CALN1: variants seen among roughly 807,000 people sequenced by gnomAD.
CALN1 encodes the protein calcium-binding protein 8.
In CALN1, 17 loss-of-function variants were observed where a neutral mutation model predicts 30.6. That is an observed-to-expected ratio of 0.56 (90% CI 0.38 to 0.83). CALN1 has a LOEUF of 0.83. CALN1 is among the 40% of genes least tolerant of loss of function. The pLI is 0.00. For synonymous variants in CALN1, 156 were observed against 131.4 expected, an observed-to-expected ratio of 1.19 and a Z score of -1.28; for missense variants, 291 against 354.9, an observed-to-expected ratio of 0.82 and a Z score of 1.45.
At chr7:71,791,149 G>C (rs1461934842) in intron 6 of CALN1, among the ~76,000 whole-genome samples, 1 of 152,178 alleles carries the variant, frequency 6.6e-6, no homozygotes, top group Admixed American at 6.5e-5. Context: ...CCAAGGGCTT[G>C]TCAAAGGATC....
At chr7:72,031,238 C>T (rs1801418090) in intron 4 of CALN1, among the ~76,000 whole-genome samples, 1 of 152,118 alleles carries the variant, frequency 6.6e-6, no homozygotes, top group African/African-American at 2.4e-5. Context: ...GCTATGGCGA[C>T]CAGGTACACA....
At chr7:72,444,905 T>G (rs988646185) in intron 1 of CALN1, among the ~76,000 whole-genome samples, 4 of 152,112 alleles carry the variant, frequency 2.6e-5, no homozygotes, top group Non-Finnish European at 5.9e-5. Flanking sequence ...CCAAAGGCCA[T>G]GCCTTTCCCA....
intron 5 of CALN1, among the ~76,000 whole-genome samples, chr7:71,903,858 CA>C (rs1390397573): frequency 2.6e-5 from 4 of 151,814 alleles, no homozygotes; most frequent in Non-Finnish European, 5.9e-5. Context: ...TGGAAGAAAA[CA>C]AAAAACTGGA....
At chr7:71,820,976 A>G (rs1788553110) in intron 5 of CALN1, among the ~76,000 whole-genome samples, 1 of 152,046 alleles carries the variant, frequency 6.6e-6, no homozygotes, top group Non-Finnish European at 1.5e-5. Context: ...ATCCAGGGAG[A>G]CACCTGGGTT....
At chr7:72,276,934 C>T (rs1464792919) in intron 3 of CALN1, among the ~76,000 whole-genome samples, 1 of 152,236 alleles carries the variant, frequency 6.6e-6, no homozygotes, top group Non-Finnish European at 1.5e-5. Context: ...CATATGAGGA[C>T]ACAGCAAGAA....
chr7:72,161,624 G>A (rs1788116491), intron 3 of CALN1, among the ~76,000 whole-genome samples: 1 of 152,154 alleles, frequency 6.6e-6, no homozygotes, highest in Non-Finnish European at 1.5e-5. Context: ...GAAGGAGGTA[G>A]AATGCTGGGC....
chr7:72,410,468 C>T (rs529067179), intron 1 of CALN1, among the ~76,000 whole-genome samples: 2 of 152,206 alleles, frequency 1.3e-5, no homozygotes, highest in African/African-American at 4.8e-5. Context: ...TTCTCCCTAT[C>T]TCTGCCCAAA....
At chr7:72,352,779 G>A (rs1241587865) in intron 2 of CALN1, among the ~76,000 whole-genome samples, 3 of 151,584 alleles carry the variant, frequency 2.0e-5, no homozygotes, top group African/African-American at 7.3e-5. Flanking sequence ...ATAGAAGAAA[G>A]GAAAAAGGAT....
At chr7:71,899,432 C>T (rs1181709040) in intron 5 of CALN1, among the ~76,000 whole-genome samples, 1 of 152,116 alleles carries the variant, frequency 6.6e-6, no homozygotes, top group Non-Finnish European at 1.5e-5. Context: ...CGTGAGCCAC[C>T]ACGCCCGGCT....
In CALN1 at chr7:71,842,004, G is replaced by GA. The variant is rs796613388; in HGVS notation, c.502-31513dup. Among the ~76,000 whole-genome samples, 159 of 133,852 alleles carry GA rather than the reference G, an allele frequency of 1.2e-3. 1 individual carries two copies. Among genetic ancestry groups the GA allele is most frequent in the East Asian group, 3.9e-3 (18 of 4,626 alleles). 87.8% of individuals were successfully genotyped at this position (133,852 alleles called of 152,430 possible). The stretch of plus-strand genomic sequence containing the variant: ...ACATGTACCTCCTGAATCTAAAAAA[G>GA]AAAAAAAAAAAAGACAAAAAACAAA... On this transcript the variant is annotated intron_variant, in intron 5 of 6. Transcript: ENST00000395275.
At chr7:72,266,347 T>C (rs1057327065) in intron 3 of CALN1, among the ~76,000 whole-genome samples, 4 of 152,178 alleles carry the variant, frequency 2.6e-5, no homozygotes, top group African/African-American at 9.7e-5. Context: ...ACTTGTATAT[T>C]AGATAATTTG....
At chr7:72,035,556 T>C (rs964954597) in intron 4 of CALN1, among the ~76,000 whole-genome samples, 31 of 152,232 alleles carry the variant, frequency 2.0e-4, no homozygotes, top group African/African-American at 2.4e-4. Context: ...CTTTTGTGTG[T>C]AGTTGATCTT....
At chr7:72,115,484 CTTTTTTTTT>C (rs71069026) in intron 3 of CALN1, among the ~76,000 whole-genome samples, 20 of 80,588 alleles carry the variant, frequency 2.5e-4, no homozygotes, top group Non-Finnish European at 3.6e-4. Flanking sequence ...CATATACATT[CTTTTTTTTT>C]TTTTTTTTTT....
At chr7:72,352,228 A>C (rs1376323643) in intron 2 of CALN1, among the ~76,000 whole-genome samples, 1 of 151,938 alleles carries the variant, frequency 6.6e-6, no homozygotes, top group African/African-American at 2.4e-5. Context: ...AACTCTACTA[A>C]AAGTACCAAA....
upstream of CALN1, among the ~76,000 whole-genome samples, chr7:72,449,858 G>T (rs1334092845): frequency 9.1e-6 from 1 of 109,724 alleles, no homozygotes; most frequent in Non-Finnish European, 1.7e-5. Flanking sequence ...CTGGGCAACA[G>T]AGCAAGACTC....
rs869149598 is a variant in CALN1, at chr7:72,203,979, C to CTTTTTTTTTTT, written c.244+74696_244+74706dup. ...TAGCCTTCATATAAGAGGCCTCTCTCTTTTTTTTTTTTTTTTTTTTTTTTT... is the reference window on the plus strand; with the variant it reads ...TAGCCTTCATATAAGAGGCCTCTCTCTTTTTTTTTTTTTTTTTTTTTTTTTTTTTTTTTTTT... On this transcript the variant is annotated intron_variant, in intron 3 of 6. Coordinates refer to ENST00000395275, the MANE Select transcript of CALN1 (RefSeq NM_031468.4). 8.6e-4 allele frequency among the ~76,000 whole-genome samples: 72 copies of CTTTTTTTTTTT among 83,806 alleles called. 13 individuals are homozygous for CTTTTTTTTTTT. The highest frequency in any genetic ancestry group is 3.5e-3 in the African/African-American group (66 of 19,130). 55.0% of individuals were successfully genotyped at this position (83,806 alleles called of 152,430 possible).
At chr7:72,380,441 A>G (rs565939804) in intron 2 of CALN1, among the ~76,000 whole-genome samples, 1 of 152,168 alleles carries the variant, frequency 6.6e-6, no homozygotes, top group East Asian at 1.9e-4. Context: ...TGGACAACAT[A>G]GCAAGACCCC....
chr7:72,100,201 C>T (rs992309133), intron 4 of CALN1, among the ~76,000 whole-genome samples: 4 of 151,684 alleles, frequency 2.6e-5, no homozygotes, highest in African/African-American at 9.7e-5. Flanking sequence ...CTCTGTTACC[C>T]GGGCTGGAGT....
chr7:72,030,349 ACACAG>A (rs1336974553), intron 4 of CALN1, among the ~76,000 whole-genome samples: 5 of 152,330 alleles, frequency 3.3e-5, no homozygotes, highest in South Asian at 2.1e-4. Context: ...GTATGTAAGG[ACACAG>A]CACATTTTCT....
Sources: allele counts gnomAD v4.1 joint callset (sites outside exome capture counted in the v4.1 genomes callset), GRCh38; gene constraint gnomAD v4.1.1; transcripts MANE v1.5; gene names NCBI Gene and HGNC (gene_info 2026-07-23, HGNC 2026-07-21).